The following HS3ST4 variants were observed in gnomAD, a reference collection of about 807,000 sequenced individuals.
HS3ST4 encodes the protein heparan sulfate glucosamine 3-O-sulfotransferase 4.
In HS3ST4, 17 loss-of-function variants were observed where a neutral mutation model predicts 29.2. The observed-to-expected ratio is 0.58, with a 90% CI of 0.40 to 0.87. The LOEUF is 0.87. Ranked by LOEUF, HS3ST4 falls within the 40% of genes least tolerant of loss-of-function variation. The pLI, the probability that HS3ST4 is intolerant of heterozygous loss-of-function variation, is 0.00. For synonymous variants in HS3ST4, 314 were observed against 285.7 expected (o/e 1.10, Z -1.00); for missense variants, 627 against 634.5 (o/e 0.99, Z 0.13).
chr16:25,892,210 G>A (rs1389907579), intron 1 of HS3ST4, among the ~76,000 whole-genome samples: 1 of 152,138 alleles, frequency 6.6e-6, no homozygotes, highest in Non-Finnish European at 1.5e-5. Context: ...TCTCTTTGGG[G>A]TCAGAGCTGA....
intron 1 of HS3ST4, among the ~76,000 whole-genome samples, chr16:25,805,703 TTTTTA>T (rs1225957024): frequency 6.6e-6 from 1 of 152,146 alleles, no homozygotes; most frequent in East Asian, 1.9e-4. Context: ...TTTTAAAAAT[TTTTTA>T]TTTTAATTTT....
In HS3ST4 at chr16:25,892,779, TC is replaced by T. The variant is rs543840051; in HGVS notation, c.734+199631del. 2.0e-3 allele frequency among the ~76,000 whole-genome samples: 300 copies of T among 152,262 alleles called. 1 individual carries two copies. Among genetic ancestry groups the T allele is most frequent in the African/African-American group, 6.8e-3 (284 of 41,576 alleles). ...CTCCTTTTCCAGGGAATAAATCTAT[TC>T]CCTTCTTAACTCATCCATAAGATAC... On this transcript the variant is annotated intron_variant, in intron 1 of 1. Coordinates refer to ENST00000331351, the MANE Select transcript of HS3ST4 (RefSeq NM_006040.3).
At chr16:26,032,646 T>TC in intron 1 of HS3ST4, 1 of 1,408,430 alleles carries the variant, frequency 7.1e-7, no homozygotes, top group Non-Finnish European at 1.0e-6. Context: ...TTTCCCTTTT[T>TC]CCCTTTGGGT....
chr16:25,938,662 G>C (rs1374649347), intron 1 of HS3ST4, among the ~76,000 whole-genome samples: 2 of 151,344 alleles, frequency 1.3e-5, no homozygotes. Flanking sequence ...ACTCCTTCCT[G>C]CCTCAAGGCC....
intron 1 of HS3ST4, among the ~76,000 whole-genome samples, chr16:25,776,702 C>T (rs978980519): frequency 6.6e-6 from 1 of 152,238 alleles, no homozygotes; most frequent in African/African-American, 2.4e-5. Flanking sequence ...AGTGTATTCT[C>T]AGATACACAC....
chr16:25,910,689 C>T (rs184446045), intron 1 of HS3ST4, among the ~76,000 whole-genome samples: 10 of 151,988 alleles, frequency 6.6e-5, no homozygotes, highest in South Asian at 2.1e-4. Flanking sequence ...TTTATGCAAG[C>T]GGCATAGACA....
chr16:25,950,953 C>T (rs764216080), intron 1 of HS3ST4, among the ~76,000 whole-genome samples: 21 of 152,176 alleles, frequency 1.4e-4, no homozygotes, highest in Non-Finnish European at 2.8e-4. Context: ...TGGATGAACT[C>T]CTCAGTCCAC....
At chr16:26,058,850 C>A (rs554283070) in intron 1 of HS3ST4, among the ~76,000 whole-genome samples, 3 of 152,230 alleles carry the variant, frequency 2.0e-5, no homozygotes, top group South Asian at 4.1e-4. Context: ...AGAAGTAGAA[C>A]TGCTGAATTG....
chr16:25,816,183 G>A (rs1187674124), intron 1 of HS3ST4, among the ~76,000 whole-genome samples: 1 of 152,070 alleles, frequency 6.6e-6, no homozygotes, highest in African/African-American at 2.4e-5. Flanking sequence ...GGCTTTGCAG[G>A]GCATGGTGCC....
chr16:25,950,733 C>A (rs1968675450), intron 1 of HS3ST4, among the ~76,000 whole-genome samples: 1 of 152,024 alleles, frequency 6.6e-6, no homozygotes, highest in Non-Finnish European at 1.5e-5. Context: ...TTTGGAGTCC[C>A]ACAGACTTGC....
intron 1 of HS3ST4, among the ~76,000 whole-genome samples, chr16:25,902,052 G>T (rs1414699298): frequency 6.6e-6 from 1 of 152,188 alleles, no homozygotes; most frequent in Non-Finnish European, 1.5e-5. Flanking sequence ...CGATATGGGT[G>T]TTAATCTATT....
In HS3ST4 at chr16:25,999,958, G is replaced by T. The variant is rs1291174592; in HGVS notation, c.735-135654G>T. Among the ~76,000 whole-genome samples the T allele has an allele frequency of 2.1e-5, 3 of 145,578 alleles. No individual in the cohort carries two copies. In the East Asian group the frequency reaches 6.0e-4, roughly 29 times the overall value. On this transcript the variant is annotated intron_variant, in intron 1 of 1. Coordinates refer to ENST00000331351, the MANE Select transcript of HS3ST4 (RefSeq NM_006040.3). Reference sequence around the variant, plus strand: ...ACTCATGAGCAAGGTTTAATGGTCTGTACTGCAATGTATGAGTTTAGAATC... The same window carrying T: ...ACTCATGAGCAAGGTTTAATGGTCTTTACTGCAATGTATGAGTTTAGAATC...
intron 1 of HS3ST4, among the ~76,000 whole-genome samples, chr16:26,035,364 C>G (rs908093347): frequency 1.1e-4 from 16 of 152,212 alleles, no homozygotes; most frequent in Non-Finnish European, 2.2e-4. Context: ...CAGACACATC[C>G]TCAGTGTTCC....
At chr16:25,953,005 T>C (rs559621596) in intron 1 of HS3ST4, among the ~76,000 whole-genome samples, 1 of 152,262 alleles carries the variant, frequency 6.6e-6, no homozygotes, top group South Asian at 2.1e-4. Context: ...TCTGTGTGAG[T>C]CATCTAGACC....
intron 1 of HS3ST4, among the ~76,000 whole-genome samples, chr16:26,009,972 C>T (rs990701453): frequency 4.6e-5 from 7 of 152,138 alleles, no homozygotes; most frequent in African/African-American, 7.2e-5. Flanking sequence ...CAACACGGGC[C>T]GTATCTCCTT....
intron 1 of HS3ST4, among the ~76,000 whole-genome samples, chr16:25,710,039 G>A (rs1374717531): frequency 6.6e-6 from 1 of 152,082 alleles, no homozygotes; most frequent in Non-Finnish European, 1.5e-5. Flanking sequence ...AGATAGCCTA[G>A]AATTTCTAGA....
At chr16:25,893,964 C>G (rs1205246822) in intron 1 of HS3ST4, among the ~76,000 whole-genome samples, 1 of 152,176 alleles carries the variant, frequency 6.6e-6, no homozygotes. Context: ...GGTGGTGAAG[C>G]ATTTCTTCCA....
At chr16:25,776,835 GT>G (rs1966847927) in intron 1 of HS3ST4, among the ~76,000 whole-genome samples, 1 of 151,882 alleles carries the variant, frequency 6.6e-6, no homozygotes, top group Non-Finnish European at 1.5e-5. Flanking sequence ...CTCTTTCTTT[GT>G]ATCATTTCTA....
At chr16:26,073,249 G>A (rs1188644012) in intron 1 of HS3ST4, among the ~76,000 whole-genome samples, 1 of 152,202 alleles carries the variant, frequency 6.6e-6, no homozygotes, top group Admixed American at 6.5e-5. Context: ...AGGGACATTG[G>A]ATATTAGTGT....
Sources: allele counts gnomAD v4.1 joint callset (sites outside exome capture counted in the v4.1 genomes callset), GRCh38; gene constraint gnomAD v4.1.1; transcripts MANE v1.5; gene names NCBI Gene and HGNC (gene_info 2026-07-23, HGNC 2026-07-21).